OR56A3: variants seen among roughly 807,000 people sequenced by gnomAD.
The protein encoded by OR56A3 is olfactory receptor family 56 subfamily A member 3.
OR56A3 carries 23 observed loss-of-function variants against 17.5 expected under a neutral mutation model. The observed-to-expected ratio is 1.32, with a 90% CI of 0.95 to 1.87. The LOEUF (loss-of-function observed/expected upper bound fraction) is 1.87, where lower values mean the gene tolerates loss of function less well. OR56A3 is among the 40% of genes most tolerant of loss of function. The probability of loss-of-function intolerance (pLI) is 0.00; values close to 1 mark genes in which losing one functional copy is unlikely to be tolerated. For missense variants in OR56A3, 366 were observed against 380.1 expected, an observed-to-expected ratio of 0.96 and a Z score of 0.31; for synonymous variants, 175 against 150.6, an observed-to-expected ratio of 1.16 and a Z score of -1.19.
Position 5,947,517 on chromosome 11 carries a change from C to A in OR56A3, c.171C>A (p.Ala57=). 6.2e-7 allele frequency: 1 copy of A among 1,614,016 alleles called. No individual in the cohort carries two copies. The highest frequency in any genetic ancestry group is 8.5e-7 in the Non-Finnish European group (1 of 1,179,914). ...TTLLMTIWLE[A]SLHQPLYYLL... is the part of the protein sequence containing the mutation. ...TCCTGATGACCATCTGGCTGGAGGC[C>A]TCTCTGCACCAGCCCCTGTACTACC... The change falls in exon 3 of 3, where the codon GCC becomes GCA. Residue 57 remains alanine, a synonymous_variant. Coordinates refer to ENST00000641160, the MANE Select transcript of OR56A3 (RefSeq NM_001003443.3).
chr11:6,009,556 A>T, the OR56A3 span, among the ~76,000 whole-genome samples: 1 of 152,208 alleles, frequency 6.6e-6, no homozygotes, highest in Non-Finnish European at 1.5e-5. Flanking sequence ...GTGTGAGCAC[A>T]TGCACACACA....
chr11:5,967,943 G>A, the OR56A3 span: 28 of 1,595,212 alleles, frequency 1.8e-5, no homozygotes, highest in Non-Finnish European at 2.3e-5. Flanking sequence ...ACACAGACAC[G>A]TTAGTACAGA....
chr11:6,002,987 T>G, the OR56A3 span: 2 of 1,613,990 alleles, frequency 1.2e-6, no homozygotes, highest in African/African-American at 2.7e-5. Context: ...TGCTGGGAGA[T>G]GCCATGTAAA....
chr11:5,944,993 C>T lies in OR56A3; in HGVS notation c.-126C>T, dbSNP rs1390688002. On this transcript the variant is annotated 5_prime_UTR_variant, in exon 2 of 3. Transcript: ENST00000641160. ...GGTCTTTCTGATGAGGAGAATCTGA[C>T]AGGACCCAGTTGAGCAAGGACTGGA... 2 of 152,146 alleles carry T rather than the reference C, an allele frequency of 1.3e-5. No homozygotes were observed. The highest frequency in any genetic ancestry group is 2.9e-5 in the Non-Finnish European group (2 of 68,044). 9.4% of individuals were successfully genotyped at this position (152,146 alleles called of 1,614,324 possible). A position where few individuals can be genotyped will look rare whatever the true frequency, so the allele number is the denominator to read the frequency against.
chr11:5,986,923 A>G, the OR56A3 span: 1 of 1,612,300 alleles, frequency 6.2e-7, no homozygotes, highest in South Asian at 1.1e-5. Context: ...AAAAGAAACC[A>G]AAGTCATGAT....
the OR56A3 span, among the ~76,000 whole-genome samples, chr11:5,963,956 G>T: frequency 1.1e-4 from 17 of 151,504 alleles, no homozygotes; most frequent in Non-Finnish European, 2.4e-4. Context: ...TAACCTTTCT[G>T]TCTACAGATT....
chr11:5,998,854 G>C, the OR56A3 span, among the ~76,000 whole-genome samples: 1 of 152,182 alleles, frequency 6.6e-6, no homozygotes, highest in East Asian at 1.9e-4. Context: ...CTTGGACATG[G>C]TGAAAACAGT....
At chr11:5,970,580 G>A in the OR56A3 span, among the ~76,000 whole-genome samples, 1 of 151,966 alleles carries the variant, frequency 6.6e-6, no homozygotes, top group African/African-American at 2.4e-5. Context: ...TGAATGCACA[G>A]GTAGAACAGT....
the OR56A3 span, chr11:6,002,288 A>G: frequency 6.2e-7 from 1 of 1,614,156 alleles, no homozygotes; most frequent in South Asian, 1.1e-5. Flanking sequence ...TGGCCACAGC[A>G]CCCTCGGCCT....
the OR56A3 span, among the ~76,000 whole-genome samples, chr11:6,010,021 T>C: frequency 6.6e-6 from 1 of 152,130 alleles, no homozygotes; most frequent in Non-Finnish European, 1.5e-5. Flanking sequence ...TTTGTCTTAA[T>C]GTCAGTGATT....
the OR56A3 span, among the ~76,000 whole-genome samples, chr11:5,990,210 T>C: frequency 6.6e-6 from 1 of 152,172 alleles, no homozygotes; most frequent in Admixed American, 6.6e-5. Flanking sequence ...TAATGTTGGC[T>C]GAATAAGTAA....
Position 5,948,199 on chromosome 11 carries a change from C to T in OR56A3, c.853C>T (p.His285Tyr), listed in dbSNP as rs201344820. The T allele has an allele frequency of 1.7e-4, 282 of 1,614,236 alleles. No homozygotes were observed. The African/African-American group carries it at 2.9e-3, about 16-fold the overall frequency. ...DVPVLLNVLHHVIPAALNPII... is the reference protein window; with the variant it reads ...DVPVLLNVLHYVIPAALNPII... ...GCCAGTCTTGCTCAATGTTCTCCAC[C>T]ATGTCATTCCTGCAGCCCTTAACCC... Residue 285 changes from histidine (H) to tyrosine (Y), a missense_variant, in exon 3 of 3, where the codon CAT becomes TAT. By Grantham distance (83) the His-to-Tyr change is moderately conservative (BLOSUM62 2). Coordinates refer to ENST00000641160, the MANE Select transcript of OR56A3 (RefSeq NM_001003443.3).
chr11:6,017,711 ATC>A, the OR56A3 span, among the ~76,000 whole-genome samples: 5 of 152,328 alleles, frequency 3.3e-5, no homozygotes, highest in Admixed American at 3.3e-4. Context: ...ATAAGTTCTC[ATC>A]TGTCAGTAAT....
chr11:5,966,207 C>CAAAAA, the OR56A3 span, among the ~76,000 whole-genome samples: 2 of 63,972 alleles, frequency 3.1e-5, no homozygotes, highest in East Asian at 3.9e-4. Flanking sequence ...CCCGTCTCTA[C>CAAAAA]AAAAAAAAAA....
At chr11:5,989,853 GA>G in the OR56A3 span, among the ~76,000 whole-genome samples, 1 of 152,210 alleles carries the variant, frequency 6.6e-6, no homozygotes, top group Non-Finnish European at 1.5e-5. Context: ...AGGAAAAGCA[GA>G]AAGGACTTTA....
chr11:5,968,009 G>A, the OR56A3 span: 3 of 1,592,390 alleles, frequency 1.9e-6, no homozygotes, highest in African/African-American at 2.7e-5. Flanking sequence ...AAAGTATGGG[G>A]ATAGGCATAG....
At chr11:5,946,678 T>G (rs1590445302) in intron 2 of OR56A3, among the ~76,000 whole-genome samples, 6 of 152,146 alleles carry the variant, frequency 3.9e-5, no homozygotes, top group Admixed American at 3.9e-4. Context: ...TATGAACATC[T>G]AAAAAATAGA....
chr11:5,986,417 G>A, the OR56A3 span: 1 of 1,613,808 alleles, frequency 6.2e-7, no homozygotes, highest in Non-Finnish European at 8.5e-7. Context: ...ATAAGGAGTA[G>A]TAATCCCCTC....
the OR56A3 span, among the ~76,000 whole-genome samples, chr11:5,978,453 T>A: frequency 6.6e-6 from 1 of 152,174 alleles, no homozygotes; most frequent in East Asian, 1.9e-4. Flanking sequence ...CTAGGTTTTT[T>A]ATTTTTTTAT....
Sources: gnomAD v4.1 joint callset for allele counts (sites outside exome capture counted in the v4.1 genomes callset) on GRCh38, gnomAD v4.1.1 for gene constraint, MANE v1.5 for transcripts, NCBI Gene and HGNC (gene_info 2026-07-23, HGNC 2026-07-21) for gene names.